ZPBP: variants seen among roughly 807,000 people sequenced by gnomAD.
The protein encoded by ZPBP is zona pellucida binding protein, also known as zona pellucida-binding protein 1.
Under a neutral mutation model 44.8 loss-of-function variants are expected in ZPBP, and 26 were observed. The ratio of observed to expected loss-of-function variants is 0.58; its 90% CI spans 0.43 to 0.81. The LOEUF (loss-of-function observed/expected upper bound fraction) is 0.81, where lower values mean the gene tolerates loss of function less well. Among genes scored for constraint, ZPBP ranks in the 30% least tolerant of loss-of-function variants. The pLI is 0.00. For synonymous variants in ZPBP, 174 were observed against 153.2 expected (o/e 1.14, Z -1.00); for missense variants, 409 against 434.0 (o/e 0.94, Z 0.51).
chr7:49,999,760 A>G (rs1798014807), intron 6 of ZPBP, among the ~76,000 whole-genome samples: 1 of 152,200 alleles, frequency 6.6e-6, no homozygotes, highest in Admixed American at 6.5e-5. Context: ...GCCCACCCAC[A>G]TTAGTGAGGG....
chr7:49,848,466 C>A (rs1055124795), downstream of ZPBP, among the ~76,000 whole-genome samples: 1 of 152,230 alleles, frequency 6.6e-6, no homozygotes. Context: ...TCCAGCCCAC[C>A]TGCCCAGGGT....
chr7:50,081,509 T>C (rs996869678), intron 3 of ZPBP, among the ~76,000 whole-genome samples: 3 of 151,712 alleles, frequency 2.0e-5, no homozygotes, highest in African/African-American at 4.8e-5. Flanking sequence ...ACAGTATTTT[T>C]TAAGTGAGAA....
intron 2 of ZPBP, among the ~76,000 whole-genome samples, chr7:49,867,902 C>T (rs530798606): frequency 4.6e-5 from 7 of 151,336 alleles, no homozygotes; most frequent in East Asian, 3.9e-4. Flanking sequence ...GGTGCAATCT[C>T]GGCTCACTGC....
chr7:49,963,968 A>G (rs918560714), intron 7 of ZPBP, among the ~76,000 whole-genome samples: 2 of 151,900 alleles, frequency 1.3e-5, no homozygotes, highest in Non-Finnish European at 2.9e-5. Flanking sequence ...CAAATTAGAT[A>G]CAGCAATATA....
At chr7:50,011,094 A>C (rs1798555907) in intron 6 of ZPBP, among the ~76,000 whole-genome samples, 1 of 152,112 alleles carries the variant, frequency 6.6e-6, no homozygotes, top group South Asian at 2.1e-4. Context: ...AACAAGGTAA[A>C]CCAAAACATA....
intron 3 of ZPBP, among the ~76,000 whole-genome samples, chr7:50,081,346 CTAAGT>C (rs1471106389): frequency 6.6e-6 from 1 of 151,616 alleles, no homozygotes; most frequent in Non-Finnish European, 1.5e-5. Flanking sequence ...ACAAAGCCAG[CTAAGT>C]TAACTGTAGT....
rs1018522036 is a variant in ZPBP, at chr7:49,978,394, A to T, written c.961+4948T>A. Reference sequence around the variant, plus strand: ...ACAGAGAAGCTTTTCAGTATAAATTAATTTAAAAGTACTAAATAAGTTAGG... The same window carrying T: ...ACAGAGAAGCTTTTCAGTATAAATTTATTTAAAAGTACTAAATAAGTTAGG... On this transcript the variant is annotated intron_variant, in intron 7 of 7. Coordinates refer to ENST00000046087, the MANE Select transcript of ZPBP (RefSeq NM_007009.3). Among the ~76,000 whole-genome samples the T allele has an allele frequency of 5.9e-5, 9 of 152,172 alleles. 1 individual carries two copies. The Middle Eastern group carries it at 0.01, about 173-fold the overall frequency.
intron 2 of ZPBP, among the ~76,000 whole-genome samples, chr7:49,868,376 A>G (rs1562741548): frequency 6.6e-6 from 1 of 152,222 alleles, no homozygotes; most frequent in Non-Finnish European, 1.5e-5. Flanking sequence ...TTCCTTGATC[A>G]TAAATCAGTG....
At chr7:49,981,803 G>A (rs1199816139) in intron 7 of ZPBP, among the ~76,000 whole-genome samples, 1 of 86,368 alleles carries the variant, frequency 1.2e-5, no homozygotes, top group Non-Finnish European at 2.0e-5. Context: ...ATAATTATAT[G>A]AATTATATAG....
At chr7:49,982,480 G>T (rs779302913) in intron 7 of ZPBP, among the ~76,000 whole-genome samples, 10 of 147,640 alleles carry the variant, frequency 6.8e-5, no homozygotes, top group South Asian at 2.1e-4. Flanking sequence ...ATATTTTTGT[G>T]AAACTTCATA....
chr7:49,965,837 A>G (rs1796035541), intron 7 of ZPBP, among the ~76,000 whole-genome samples: 1 of 152,098 alleles, frequency 6.6e-6, no homozygotes, highest in Non-Finnish European at 1.5e-5. Context: ...ATAAATTAAT[A>G]ATATATACTA....
intron 2 of ZPBP, among the ~76,000 whole-genome samples, chr7:49,876,144 T>C (rs1445549573): frequency 2.0e-5 from 3 of 152,198 alleles, no homozygotes; most frequent in African/African-American, 7.2e-5. Flanking sequence ...AGGAATTATA[T>C]GGAAGGCTGT....
At chr7:49,943,354 G>T (rs1350130941) in intron 7 of ZPBP, 3 of 335,072 alleles carry the variant, frequency 9.0e-6, no homozygotes, top group Non-Finnish European at 1.7e-5. Context: ...AACCTGAACA[G>T]TCAATGAAGC....
intron 7 of ZPBP, among the ~76,000 whole-genome samples, chr7:49,976,863 G>A (rs1408879915): frequency 2.0e-5 from 3 of 152,042 alleles, no homozygotes; most frequent in African/African-American, 7.2e-5. Flanking sequence ...AGCACTCTGG[G>A]AGGCGGAGGC....
chr7:49,900,592 A>C (rs1003543764), intron 2 of ZPBP, among the ~76,000 whole-genome samples: 1 of 151,784 alleles, frequency 6.6e-6, no homozygotes, highest in South Asian at 2.1e-4. Context: ...ACACAATCTG[A>C]CAAAGCTCAC....
chr7:49,935,468 A>C (rs1163649009), downstream of ZPBP, among the ~76,000 whole-genome samples: 3 of 152,002 alleles, frequency 2.0e-5, no homozygotes, highest in Non-Finnish European at 4.4e-5. Flanking sequence ...GCGTGATCTC[A>C]GCTCACTGCA....
chr7:49,955,315 T>C (rs1795532064), intron 7 of ZPBP, among the ~76,000 whole-genome samples: 2 of 152,124 alleles, frequency 1.3e-5, no homozygotes, highest in South Asian at 2.1e-4. Context: ...TCCCAACCCT[T>C]TGAGAGGCCA....
At chr7:50,064,806 A>G (rs1181642792) in intron 3 of ZPBP, among the ~76,000 whole-genome samples, 2 of 152,156 alleles carry the variant, frequency 1.3e-5, no homozygotes, top group East Asian at 1.9e-4. Flanking sequence ...TGTGCAGTTA[A>G]TGCAATTATT....
chr7:49,976,225 A>T (rs749644661), intron 7 of ZPBP, among the ~76,000 whole-genome samples: 1 of 152,180 alleles, frequency 6.6e-6, no homozygotes, highest in Non-Finnish European at 1.5e-5. Flanking sequence ...ATTTACATTT[A>T]TCTCTATGTT....
Sources: allele counts gnomAD v4.1 joint callset (sites outside exome capture counted in the v4.1 genomes callset), GRCh38; gene constraint gnomAD v4.1.1; transcripts MANE v1.5; gene names NCBI Gene and HGNC (gene_info 2026-07-23, HGNC 2026-07-21).